The following PALM2AKAP2 variants were observed in gnomAD, a reference collection of about 807,000 sequenced individuals.
PALM2AKAP2 encodes PALM2 and AKAP2 fusion.
PALM2AKAP2 carries 37 observed loss-of-function variants against 71.5 expected under a neutral mutation model. The observed-to-expected ratio is 0.52, with a 90% CI of 0.40 to 0.68. The LOEUF is 0.68. PALM2AKAP2 is among the 30% of genes least tolerant of loss of function. The pLI is 0.00. For missense variants in PALM2AKAP2, 1,224 were observed against 1,191.8 expected, an observed-to-expected ratio of 1.03 and a Z score of -0.40; for synonymous variants, 468 against 478.8, an observed-to-expected ratio of 0.98 and a Z score of 0.29.
At chr9:110,030,562 G>A (rs1390140880) in intron 7 of PALM2AKAP2, among the ~76,000 whole-genome samples, 1 of 152,126 alleles carries the variant, frequency 6.6e-6, no homozygotes, top group Non-Finnish European at 1.5e-5. Flanking sequence ...CATATTTGGG[G>A]ATATAGGTTT....
At chr9:109,666,293 C>T (rs188375351) in intron 1 of PALM2AKAP2, among the ~76,000 whole-genome samples, 2 of 152,302 alleles carry the variant, frequency 1.3e-5, no homozygotes, top group Admixed American at 1.3e-4. Flanking sequence ...AGCTGCAGAT[C>T]GGAGCTGTTC....
chr9:109,805,309 AC>A (rs1827541862), intron 1 of PALM2AKAP2, among the ~76,000 whole-genome samples: 1 of 152,222 alleles, frequency 6.6e-6, no homozygotes, highest in African/African-American at 2.4e-5. Flanking sequence ...CCATGTGATC[AC>A]CCTAGCTCAA....
At chr9:109,704,715 C>T (rs1828115257) in intron 1 of PALM2AKAP2, among the ~76,000 whole-genome samples, 1 of 152,182 alleles carries the variant, frequency 6.6e-6, no homozygotes, top group African/African-American at 2.4e-5. Flanking sequence ...CCACCATCTA[C>T]CTTCCCCATT....
At chr9:109,960,516 C>T (rs1831834502) in intron 6 of PALM2AKAP2, among the ~76,000 whole-genome samples, 1 of 152,128 alleles carries the variant, frequency 6.6e-6, no homozygotes, top group Non-Finnish European at 1.5e-5. Context: ...GTGGTATGTG[C>T]CTGTAAATCC....
intron 1 of PALM2AKAP2, among the ~76,000 whole-genome samples, chr9:110,096,593 G>A (rs1834844913): frequency 6.6e-6 from 1 of 152,164 alleles, no homozygotes; most frequent in African/African-American, 2.4e-5. Flanking sequence ...TCCCCTTGGT[G>A]GGGACGTTGG....
chr9:109,831,823 C>A (rs1262950420), intron 1 of PALM2AKAP2, among the ~76,000 whole-genome samples: 4 of 151,948 alleles, frequency 2.6e-5, no homozygotes, highest in Admixed American at 6.6e-5. Context: ...CTGCATTAGT[C>A]CCTTTTTTTT....
chr9:109,879,667 A>T lies in PALM2AKAP2; in HGVS notation c.127-884A>T, dbSNP rs1424809442. Among the ~76,000 whole-genome samples the T allele has an allele frequency of 2.0e-5, 3 of 150,302 alleles. No individual in the cohort carries two copies. The East Asian group carries it at 5.8e-4, about 29-fold the overall frequency. On this transcript the variant is annotated intron_variant, in intron 2 of 9. Transcript: ENST00000302798. ...AAAGCTTTTTATTCCACTGTACTGT[A>T]TCGTAGTACACTTGCAAACATGGGA... is the stretch of plus-strand genomic sequence containing the variant.
chr9:109,713,852 TTTC>T (rs1828277769), intron 1 of PALM2AKAP2, among the ~76,000 whole-genome samples: 1 of 152,224 alleles, frequency 6.6e-6, no homozygotes, highest in Non-Finnish European at 1.5e-5. Context: ...ATATTACATT[TTTC>T]AAAGCCCATA....
intron 1 of PALM2AKAP2, among the ~76,000 whole-genome samples, chr9:109,664,481 GA>G (rs1827447855): frequency 6.6e-6 from 1 of 152,194 alleles, no homozygotes. Context: ...ATTCTGGGTT[GA>G]AAATTCTTTT....
At chr9:109,641,098 G>T (rs779963915) in intron 1 of PALM2AKAP2, among the ~76,000 whole-genome samples, 1 of 152,258 alleles carries the variant, frequency 6.6e-6, no homozygotes, top group African/African-American at 2.4e-5. Context: ...GGGCCTGGGG[G>T]GCGAGTGAGG....
intron 1 of PALM2AKAP2, among the ~76,000 whole-genome samples, chr9:109,728,250 G>A (rs752833111): frequency 9.2e-5 from 14 of 152,336 alleles, no homozygotes; most frequent in East Asian, 3.8e-4. Context: ...GCATTTCTAC[G>A]TGTTAAGCAC....
At chr9:109,744,483 T>C (rs1011852587) in intron 1 of PALM2AKAP2, among the ~76,000 whole-genome samples, 7 of 152,268 alleles carry the variant, frequency 4.6e-5, no homozygotes, top group African/African-American at 1.7e-4. Context: ...CCTAATTTTC[T>C]TCATCTTTAA....
chr9:110,162,827 C>G (rs1836635318), intron 3 of PALM2AKAP2, among the ~76,000 whole-genome samples: 1 of 152,166 alleles, frequency 6.6e-6, no homozygotes, highest in East Asian at 1.9e-4. Context: ...CTCAGCCTCC[C>G]AAAGAGCTGG....
At chr9:109,690,090 G>A (rs1827860832) in intron 1 of PALM2AKAP2, among the ~76,000 whole-genome samples, 7 of 152,070 alleles carry the variant, frequency 4.6e-5, no homozygotes, top group Admixed American at 4.6e-4. Context: ...CCCTGCCGGA[G>A]GGGATCAGTG....
chr9:110,007,048 G>C (rs950575026), intron 6 of PALM2AKAP2, among the ~76,000 whole-genome samples: 1 of 152,168 alleles, frequency 6.6e-6, no homozygotes, highest in Admixed American at 6.5e-5. Flanking sequence ...GAGGGGTAGG[G>C]GGTGCTTTGG....
At chr9:110,149,115 T>G (rs2119176336) in intron 2 of PALM2AKAP2, among the ~76,000 whole-genome samples, 1 of 152,358 alleles carries the variant, frequency 6.6e-6, no homozygotes, top group Non-Finnish European at 1.5e-5. Flanking sequence ...CATGGCTTGC[T>G]TTCTCTGGAC....
chr9:110,122,337 A>AT (rs908260732), intron 1 of PALM2AKAP2, among the ~76,000 whole-genome samples: 1 of 152,066 alleles, frequency 6.6e-6, no homozygotes, highest in Admixed American at 6.6e-5. Flanking sequence ...TGGCCTTCAG[A>AT]TTTTTTTCTT....
intron 6 of PALM2AKAP2, among the ~76,000 whole-genome samples, chr9:109,996,990 A>G (rs1351650791): frequency 6.6e-6 from 1 of 152,174 alleles, no homozygotes; most frequent in East Asian, 1.9e-4. Context: ...GGAGTTCAAG[A>G]CCAGCCTGGC....
At chr9:110,114,778 G>A (rs1446119351) in intron 1 of PALM2AKAP2, among the ~76,000 whole-genome samples, 1 of 152,168 alleles carries the variant, frequency 6.6e-6, no homozygotes, top group African/African-American at 2.4e-5. Flanking sequence ...AGCAAATGGC[G>A]ATCCCTTCCT....
Sources: gnomAD v4.1 joint callset for allele counts (sites outside exome capture counted in the v4.1 genomes callset) on GRCh38, gnomAD v4.1.1 for gene constraint, MANE v1.5 for transcripts, NCBI Gene and HGNC (gene_info 2026-07-23, HGNC 2026-07-21) for gene names.